Variants in AKAP17A observed in about 807,000 individuals in gnomAD.
AKAP17A encodes A-kinase anchor protein 17A.
In AKAP17A, 15 loss-of-function variants were observed where a neutral mutation model predicts 52.2. The ratio of observed to expected loss-of-function variants is 0.29; its 90% CI spans 0.19 to 0.44. The LOEUF (loss-of-function observed/expected upper bound fraction) is 0.44, where lower values mean the gene tolerates loss of function less well. AKAP17A is among the 20% of genes least tolerant of loss of function. AKAP17A has a pLI of 1.00. For missense variants in AKAP17A, 1,060 were observed against 1,007.0 expected, an observed-to-expected ratio of 1.05 and a Z score of -0.71; for synonymous variants, 514 against 424.7, an observed-to-expected ratio of 1.21 and a Z score of -2.58.
At chrX:1,596,216 T>C (rs1196261599) in intron 3 of AKAP17A, among the ~76,000 whole-genome samples, 3 of 116,124 alleles carry the variant, frequency 2.6e-5, no homozygotes, top group South Asian at 5.6e-4. Flanking sequence ...TTGATGGTGA[T>C]GGCCAGATTT....
intron 3 of AKAP17A, among the ~76,000 whole-genome samples, chrX:1,598,786 G>T (rs1386294172): frequency 2.0e-5 from 3 of 152,218 alleles, no homozygotes; most frequent in Admixed American, 6.5e-5. Flanking sequence ...ACCCAGCGCG[G>T]TTCCTGGTGG....
chrX:1,601,574 C>A lies in AKAP17A; in HGVS notation c.2068C>A (p.Arg690Ser), dbSNP rs777743306. Residue 690 changes from arginine (R) to serine (S), a missense_variant, in exon 5 of 5, where the codon CGC (arginine) becomes AGC (serine). Physicochemically the swap from Arg to Ser is moderately radical, Grantham distance 110. Around this residue, in one of 2 missense-constraint regions of AKAP17A, gnomAD observed 793 missense variants for 629.9 expected, o/e 1.26. Transcript: ENST00000313871. ...RSRSRSPSRH[R>S]STWNR ...GCGCTCCCGGTCCCCGAGCAGGCAC[C>A]GCAGTACCTGGAACAGGTAATGACG... 1.9e-5 allele frequency: 28 copies of A among 1,453,010 alleles called. No homozygotes were observed. The highest frequency in any genetic ancestry group is 2.9e-5 in the African/African-American group (2 of 69,772). 90.0% of individuals were successfully genotyped at this position (1,453,010 alleles called of 1,614,324 possible). A position where few individuals can be genotyped will look rare whatever the true frequency, so the allele number is the denominator to read the frequency against.
intron 3 of AKAP17A, 69 bp downstream of exon 3, chrX:1,595,601 C>T (rs1413663622): frequency 1.1e-5 from 17 of 1,598,820 alleles, no homozygotes; most frequent in African/African-American, 1.3e-5. Context: ...GACCCGTGTG[C>T]GTGTGTCTGC....
Position 1,600,758 on chromosome X carries a change from G to C in AKAP17A, c.1252G>C (p.Glu418Gln). Residue 418 changes from glutamate (E) to glutamine (Q), a missense_variant, in exon 5 of 5, where the codon GAG (glutamate) becomes CAG (glutamine). By Grantham distance (29) the Glu-to-Gln change is conservative. Coordinates refer to ENST00000313871, the MANE Select transcript of AKAP17A (RefSeq NM_005088.3). ...RLQEAELRRV[E>Q]EEKERALGLQ... ...GCAGGAGGCCGAGCTGCGGCGCGTG[G>C]AGGAGGAGAAGGAGCGCGCGCTGGG... is the stretch of plus-strand genomic sequence containing the variant. 1.3e-6 allele frequency: 2 copies of C among 1,563,082 alleles called. No individual in the cohort carries two copies. Among genetic ancestry groups the C allele is most frequent in the Non-Finnish European group, 1.7e-6 (2 of 1,158,638 alleles).
Position 1,601,866 on chromosome X carries a change from A to AT in AKAP17A, c.*272_*273insT, listed in dbSNP as rs1933405781. 32 of 383,362 alleles carry AT rather than the reference A, an allele frequency of 8.3e-5. No individual in the cohort carries two copies. The East Asian group carries it at 1.2e-3, about 14-fold the overall frequency. 23.7% of individuals were successfully genotyped at this position (383,362 alleles called of 1,614,324 possible). A position where few individuals can be genotyped will look rare whatever the true frequency, so the allele number is the denominator to read the frequency against. On this transcript the variant is annotated 3_prime_UTR_variant, in exon 5 of 5. Coordinates refer to ENST00000313871, the MANE Select transcript of AKAP17A (RefSeq NM_005088.3). ...GCTTTAATGCGGCCGGTCCTCTCTC[A>AT]GTCAGGAAAATTGCACAGACCGACA...
rs1352031689 is a variant in AKAP17A, at chrX:1,591,639, T to G, written c.-150T>G. 6.6e-6 allele frequency: 1 copy of G among 151,558 alleles called. No homozygotes were observed. The highest frequency in any genetic ancestry group is 2.4e-5 in the African/African-American group (1 of 41,186). The allele number at this position is 151,558 out of a possible 1,614,324, so 9.4% of individuals were successfully genotyped here. A position where few individuals can be genotyped will look rare whatever the true frequency, so the allele number is the denominator to read the frequency against. ...GCGGGCGGCGACGGCGGTGGCGGCG[T>G]CGGAGGCGCCTCCGGGGGACGGTGG... On this transcript the variant is annotated 5_prime_UTR_variant, in exon 1 of 5. Coordinates refer to ENST00000313871, the MANE Select transcript of AKAP17A (RefSeq NM_005088.3).
intron 3 of AKAP17A, among the ~76,000 whole-genome samples, chrX:1,598,845 G>A (rs751584555): frequency 2.0e-5 from 3 of 152,324 alleles, no homozygotes; most frequent in East Asian, 3.9e-4. Flanking sequence ...GCCTTGTTGG[G>A]CCTGCTGGGG....
At chrX:1,593,302 G>C in intron 1 of AKAP17A, 142 bp from the exon 2 acceptor site, 1 of 824,188 alleles carries the variant, frequency 1.2e-6, no homozygotes. Flanking sequence ...TGTTAACAAA[G>C]TGGAAACCGG....
intron 3 of AKAP17A, among the ~76,000 whole-genome samples, chrX:1,597,341 G>T (rs1603460161): frequency 6.6e-6 from 1 of 152,132 alleles, no homozygotes; most frequent in Admixed American, 6.5e-5. Flanking sequence ...GAATGTGCTG[G>T]GGGGGCCCAT....
chrX:1,595,239 ACCGGACATGAGTGGTGAGCG>A lies in AKAP17A; in HGVS notation c.763-144_763-125del. On this transcript the variant is annotated intron_variant, in intron 2 of 4. Coordinates refer to ENST00000313871, the MANE Select transcript of AKAP17A (RefSeq NM_005088.3). ...TCTGGGCTCCACTGTCTGGGTCTGC[ACCGGACATGAGTGGTGAGCG>A]GTGAGCGGTGAGCGGGCGCTCAGGC... 104 of 188,724 alleles carry A rather than the reference ACCGGACATGAGTGGTGAGCG, an allele frequency of 5.5e-4. 37 individuals are homozygous for A. The highest frequency in any genetic ancestry group is 1.1e-3 in the East Asian group (5 of 4,742). The allele number at this position is 188,724 out of a possible 1,614,324, so 11.7% of individuals were successfully genotyped here. A position where few individuals can be genotyped will look rare whatever the true frequency, so the allele number is the denominator to read the frequency against.
At position 1,593,526 on chromosome X, in the gene AKAP17A, T is replaced by C. The variant is rs778939496; in HGVS notation, c.64T>C (p.Leu22=). 2 of 1,613,706 alleles carry C rather than the reference T, an allele frequency of 1.2e-6. No homozygotes were observed. Among genetic ancestry groups the C allele is most frequent in the Admixed American group, 3.3e-5 (2 of 60,010 alleles). Residue 22 remains leucine, a synonymous_variant, in exon 2 of 5, where the codon TTG becomes CTG. Coordinates refer to ENST00000313871, the MANE Select transcript of AKAP17A (RefSeq NM_005088.3). ...EAVELCPAYG[L]YLKPITKMTI... is the part of the protein sequence containing the mutation. The stretch of plus-strand genomic sequence containing the variant: ...CGTGGAGCTCTGCCCTGCTTACGGC[T>C]TGTACCTGAAGCCCATCACCAAGAT...
rs1440017774 is a variant in AKAP17A at position 1,595,276 on chromosome X, C to T, written c.763-108C>T. On this transcript the variant is annotated intron_variant, in intron 2 of 4. Coordinates refer to ENST00000313871, the MANE Select transcript of AKAP17A (RefSeq NM_005088.3). ...TGGTGAGCGGTGAGCGGTGAGCGGG[C>T]GCTCAGGCTCTGAGGCCACTCGGCC... 3.9e-5 allele frequency: 57 copies of T among 1,460,740 alleles called. 1 individual carries two copies. Among genetic ancestry groups the T allele is most frequent in the South Asian group, 3.2e-4 (25 of 77,434 alleles). 90.5% of individuals were successfully genotyped at this position (1,460,740 alleles called of 1,614,324 possible). A position where few individuals can be genotyped will look rare whatever the true frequency, so the allele number is the denominator to read the frequency against.
intron 3 of AKAP17A, among the ~76,000 whole-genome samples, chrX:1,598,133 C>T (rs1933114746): frequency 6.6e-6 from 1 of 152,196 alleles, no homozygotes. Context: ...CTGTGGGTCC[C>T]GCCTAAGGGC....
intron 4 of AKAP17A, chrX:1,599,879 C>T (rs1484257978): frequency 7.8e-5 from 45 of 575,744 alleles, no homozygotes; most frequent in African/African-American, 1.9e-4. Flanking sequence ...GGGGGCCTGC[C>T]GTGGGCCCGG....
chrX:1,593,136 A>G (rs1441546705), intron 1 of AKAP17A, among the ~76,000 whole-genome samples: 2 of 152,022 alleles, frequency 1.3e-5, no homozygotes, highest in South Asian at 2.1e-4. Flanking sequence ...TCAGCTTCCT[A>G]TTCTGCAGGC....
intron 3 of AKAP17A, among the ~76,000 whole-genome samples, chrX:1,598,840 G>T (rs1377149092): frequency 4.6e-5 from 7 of 152,222 alleles, no homozygotes; most frequent in Non-Finnish European, 8.8e-5. Context: ...CCGGGGCCTT[G>T]TTGGGCCTGC....
Position 1,591,647 on chromosome X carries a change from G to C in AKAP17A, c.-142G>C, listed in dbSNP as rs1356940450. ...CGACGGCGGTGGCGGCGTCGGAGGC[G>C]CCTCCGGGGGACGGTGGCGGCTCCC... is the stretch of plus-strand genomic sequence containing the variant. On this transcript the variant is annotated 5_prime_UTR_variant, in exon 1 of 5. Transcript: ENST00000313871. 1 of 151,922 alleles carries C rather than the reference G, an allele frequency of 6.6e-6. No individual in the cohort carries two copies. The highest frequency in any genetic ancestry group is 1.5e-5 in the Non-Finnish European group (1 of 67,910). The allele number at this position is 151,922 out of a possible 1,614,324, so 9.4% of individuals were successfully genotyped here. A position where few individuals can be genotyped will look rare whatever the true frequency, so the allele number is the denominator to read the frequency against.
chrX:1,601,187 C>T lies in AKAP17A; in HGVS notation c.1681C>T (p.Pro561Ser), dbSNP rs369957597. The change falls in exon 5 of 5, where the codon CCT becomes TCT. Residue 561 changes from proline (P) to serine (S), a missense_variant. By Grantham distance (74) the Pro-to-Ser change is moderately conservative. Transcript: ENST00000313871. ...PDNNQQPKGI[P>S]ACEQNVSRKD... is the part of the protein sequence containing the mutation. ...CAACAACCAACAGCCCAAGGGCATCCCTGCCTGCGAGCAGAATGTCTCCAG... is the reference window on the plus strand; with the variant it reads ...CAACAACCAACAGCCCAAGGGCATCTCTGCCTGCGAGCAGAATGTCTCCAG... The T allele has an allele frequency of 3.7e-6, 6 of 1,613,888 alleles. No homozygotes were observed. Among genetic ancestry groups the T allele is most frequent in the African/African-American group, 1.3e-5 (1 of 75,042 alleles).
At position 1,601,476 on chromosome X, in the gene AKAP17A, G is replaced by A. The variant is rs768488596; in HGVS notation, c.1970G>A (p.Arg657Lys). 14 of 1,569,610 alleles carry A rather than the reference G, an allele frequency of 8.9e-6. No individual in the cohort carries two copies. Among genetic ancestry groups the A allele is most frequent in the Non-Finnish European group, 9.4e-6 (11 of 1,165,922 alleles). Residue 657 changes from arginine to lysine, a missense_variant, in exon 5 of 5, where the codon AGG becomes AAG. Arg to Lys is a conservative substitution (Grantham distance 26). Transcript: ENST00000313871. ...RRSHSKDRHRRERSRERRGSA... is the reference protein window; with the variant it reads ...RRSHSKDRHRKERSRERRGSA... ...TCCCACAGCAAAGACAGGCACCGGA[G>A]GGAGCGGAGCCGGGAGCGGAGGGGC... is the stretch of plus-strand genomic sequence containing the variant.
Sources: allele counts gnomAD v4.1 joint callset (sites outside exome capture counted in the v4.1 genomes callset), GRCh38; gene constraint gnomAD v4.1.1; regional missense constraint gnomAD v4.1.1; transcripts MANE v1.5; gene names NCBI Gene and HGNC (gene_info 2026-07-23, HGNC 2026-07-21).